The following SUMF1 variants were observed in gnomAD, a reference collection of about 807,000 sequenced individuals.
SUMF1 encodes formylglycine-generating enzyme.
A neutral mutation model predicts 47.6 loss-of-function variants in SUMF1; 48 were observed. The observed-to-expected ratio is 1.01, with a 90% CI of 0.80 to 1.28. SUMF1 has a LOEUF of 1.28. Among genes scored for constraint, SUMF1 ranks in the 50% most tolerant of loss-of-function variants. SUMF1 has a pLI of 0.00. For missense variants in SUMF1, 571 were observed against 485.4 expected (o/e 1.18, Z -1.66); for synonymous variants, 230 against 192.1 (o/e 1.20, Z -1.63).
At chr3:4,316,454 C>A in intron 8 of SUMF1, 1 of 1,602,962 alleles carries the variant, frequency 6.2e-7, no homozygotes, top group Non-Finnish European at 8.5e-7. Context: ...GAGCAATCAT[C>A]GAAGCTGATC....
At chr3:4,199,712 C>T (rs1472856201) in intron 8 of SUMF1, among the ~76,000 whole-genome samples, 1 of 151,924 alleles carries the variant, frequency 6.6e-6, no homozygotes, top group Non-Finnish European at 1.5e-5. Context: ...TTCTCATTTC[C>T]CTAATGACTA....
chr3:4,250,202 G>C (rs1032207770), intron 8 of SUMF1, among the ~76,000 whole-genome samples: 3 of 150,040 alleles, frequency 2.0e-5, no homozygotes, highest in African/African-American at 7.4e-5. Flanking sequence ...AGGGAGTGAA[G>C]GGAGAGAAAA....
At chr3:4,166,829 G>A (rs1694718137) in intron 8 of SUMF1, among the ~76,000 whole-genome samples, 1 of 152,206 alleles carries the variant, frequency 6.6e-6, no homozygotes, top group East Asian at 1.9e-4. Context: ...AGAAGTATAG[G>A]AAAAGCAGAA....
At chr3:4,248,946 A>C (rs1480678606) in intron 8 of SUMF1, among the ~76,000 whole-genome samples, 1 of 152,164 alleles carries the variant, frequency 6.6e-6, no homozygotes, top group African/African-American at 2.4e-5. Flanking sequence ...TCAAGAACAC[A>C]AACAGACCAC....
intron 8 of SUMF1, among the ~76,000 whole-genome samples, chr3:4,184,049 C>T (rs937892933): frequency 1.3e-5 from 2 of 151,788 alleles, no homozygotes; most frequent in African/African-American, 4.8e-5. Flanking sequence ...GTATGAGAAT[C>T]TCTTGAACCT....
intron 8 of SUMF1, among the ~76,000 whole-genome samples, chr3:4,314,803 T>G (rs535211615): frequency 6.6e-6 from 1 of 152,184 alleles, no homozygotes; most frequent in Admixed American, 6.5e-5. Context: ...TTATCAGACA[T>G]TTTGAAAGCT....
chr3:4,233,165 C>A (rs979124725), intron 8 of SUMF1, among the ~76,000 whole-genome samples: 3 of 152,128 alleles, frequency 2.0e-5, no homozygotes, highest in Non-Finnish European at 4.4e-5. Context: ...GCAGCAGACG[C>A]TTTACAGATC....
chr3:4,266,043 C>T (rs372947959), intron 8 of SUMF1, among the ~76,000 whole-genome samples: 1 of 152,116 alleles, frequency 6.6e-6, no homozygotes, highest in African/African-American at 2.4e-5. Context: ...TAGTTGTAGA[C>T]ATGCGGCGTT....
At chr3:4,411,433 G>C (rs1701538830) in intron 6 of SUMF1, among the ~76,000 whole-genome samples, 1 of 152,090 alleles carries the variant, frequency 6.6e-6, no homozygotes, top group Non-Finnish European at 1.5e-5. Flanking sequence ...AGTTAGCTCT[G>C]TCCTCTCCAC....
chr3:4,137,640 C>A (rs1693971615), intron 8 of SUMF1, among the ~76,000 whole-genome samples: 1 of 151,898 alleles, frequency 6.6e-6, no homozygotes, highest in African/African-American at 2.4e-5. Context: ...AACAAACAAA[C>A]AAGAAATGGA....
intron 8 of SUMF1, among the ~76,000 whole-genome samples, chr3:4,324,158 A>G (rs143343037): frequency 1.3e-5 from 2 of 152,106 alleles, no homozygotes; most frequent in Non-Finnish European, 2.9e-5. Flanking sequence ...TGATACATAC[A>G]TTTCATGGTT....
chr3:4,197,171 T>C (rs1333701074), intron 8 of SUMF1, among the ~76,000 whole-genome samples: 1 of 152,126 alleles, frequency 6.6e-6, no homozygotes, highest in African/African-American at 2.4e-5. Flanking sequence ...TGGAGTACAG[T>C]GGCACGATCA....
intron 8 of SUMF1, among the ~76,000 whole-genome samples, chr3:4,122,310 T>C (rs1176402812): frequency 1.3e-5 from 2 of 152,206 alleles, no homozygotes; most frequent in African/African-American, 2.4e-5. Context: ...GGTCACATAT[T>C]ATATGATTTC....
chr3:4,229,284 A>C (rs1696246055), intron 8 of SUMF1: 3 of 357,542 alleles, frequency 8.4e-6, no homozygotes, highest in Non-Finnish European at 1.6e-5. Flanking sequence ...TTCATATGCT[A>C]GCAACTAGGT....
rs765555225 is a variant in SUMF1 at position 4,092,943 on chromosome 3, GA to G, written c.1015-24199del. Among the ~76,000 whole-genome samples the G allele has an allele frequency of 1.9e-4, 29 of 149,356 alleles. 3 individuals are homozygous for G. The highest frequency in any genetic ancestry group is 3.4e-3 in the Middle Eastern group (1 of 292). On this transcript the variant is annotated intron_variant and NMD_transcript_variant, in intron 8 of 12. Coordinates refer to the SUMF1 transcript ENST00000448413. ...ACAATATAGAAAGCTTTGATAAAAGGAAAAAAAAACAAGGAGGAAGTTATTC... is the reference window on the plus strand; with the variant it reads ...ACAATATAGAAAGCTTTGATAAAAGGAAAAAAAACAAGGAGGAAGTTATTC...
intron 8 of SUMF1, among the ~76,000 whole-genome samples, chr3:4,074,049 C>G (rs752314240): frequency 6.6e-6 from 1 of 152,154 alleles, no homozygotes; most frequent in African/African-American, 2.4e-5. Flanking sequence ...CTTCTCAGCA[C>G]CACATCACAC....
chr3:4,165,806 T>A (rs1694687012), intron 8 of SUMF1, among the ~76,000 whole-genome samples: 1 of 129,506 alleles, frequency 7.7e-6, no homozygotes, highest in African/African-American at 2.9e-5. Context: ...AACCTGTTGA[T>A]GCCTGAGTGT....
chr3:4,433,543 G>T (rs1702302543), intron 3 of SUMF1, among the ~76,000 whole-genome samples: 1 of 152,136 alleles, frequency 6.6e-6, no homozygotes, highest in Admixed American at 6.5e-5. Context: ...AGCCAGCCCT[G>T]GCCTGCCCTT....
chr3:4,228,132 C>A (rs2124979232), intron 8 of SUMF1, among the ~76,000 whole-genome samples: 1 of 151,940 alleles, frequency 6.6e-6, no homozygotes, highest in East Asian at 1.9e-4. Context: ...TGGGGTTGGA[C>A]CATGCAGACT....
Sources: gnomAD v4.1 joint callset for allele counts (sites outside exome capture counted in the v4.1 genomes callset) on GRCh38, gnomAD v4.1.1 for gene constraint, MANE v1.5 for transcripts, NCBI Gene and HGNC (gene_info 2026-07-23, HGNC 2026-07-21) for gene names.